Variants in CDCA7L observed in about 807,000 individuals in gnomAD.
CDCA7L encodes the protein cell division cycle-associated 7-like protein.
Under a neutral mutation model 57.4 loss-of-function variants are expected in CDCA7L, and 44 were observed. The observed-to-expected ratio is 0.77, with a 90% CI of 0.60 to 0.98. CDCA7L has a LOEUF of 0.98. Ranked by LOEUF, CDCA7L falls within the 50% of genes least tolerant of loss-of-function variation. The pLI, the probability that CDCA7L is intolerant of heterozygous loss-of-function variation, is 0.00. For synonymous variants in CDCA7L, 236 were observed against 202.8 expected (o/e 1.16, Z -1.39); for missense variants, 644 against 580.6 (o/e 1.11, Z -1.12).
In CDCA7L at chr7:21,915,656, A is replaced by C. The variant is rs868553337; in HGVS notation, c.165+1098T>G. Among the ~76,000 whole-genome samples, 55 of 110,374 alleles carry C rather than the reference A, an allele frequency of 5.0e-4. 2 individuals are homozygous for C. Among genetic ancestry groups the C allele is most frequent in the South Asian group, 1.9e-3 (6 of 3,102 alleles). The allele number at this position is 110,374 out of a possible 152,430, so 72.4% of individuals were successfully genotyped here. On this transcript the variant is annotated intron_variant, in intron 2 of 9. Coordinates refer to ENST00000406877, the MANE Select transcript of CDCA7L (RefSeq NM_018719.5). ...CTACTAAAAAAAAAAAAAAAAAAAAAAAACACACACACACACACAAATTAG... is the reference window on the plus strand; with the variant it reads ...CTACTAAAAAAAAAAAAAAAAAAAACAAACACACACACACACACAAATTAG...
intron 1 of CDCA7L, among the ~76,000 whole-genome samples, chr7:21,930,193 T>G (rs1785961788): frequency 6.6e-6 from 1 of 152,142 alleles, no homozygotes; most frequent in South Asian, 2.1e-4. Flanking sequence ...ACATTGAAAC[T>G]GAACAACCTG....
intron 6 of CDCA7L, among the ~76,000 whole-genome samples, chr7:21,906,031 G>A (rs1023903918): frequency 3.3e-5 from 5 of 152,190 alleles, no homozygotes; most frequent in African/African-American, 1.2e-4. Context: ...TTAAAGCAGG[G>A]TCCTAACAAA....
intron 2 of CDCA7L, among the ~76,000 whole-genome samples, chr7:21,912,959 G>A (rs1785377952): frequency 1.3e-5 from 2 of 152,076 alleles, no homozygotes; most frequent in African/African-American, 4.8e-5. Flanking sequence ...GGAGACCCAC[G>A]AGACCAGCCC....
intron 2 of CDCA7L, among the ~76,000 whole-genome samples, chr7:21,916,140 A>AAG: frequency 1.3e-5 from 2 of 152,326 alleles, no homozygotes; most frequent in East Asian, 3.9e-4. Context: ...TGGTCAAGGC[A>AAG]GAATGAGGAA....
At chr7:21,904,331 G>A in intron 7 of CDCA7L, 72 bp from the exon 8 acceptor site, 1 of 1,402,188 alleles carries the variant, frequency 7.1e-7, no homozygotes, top group South Asian at 1.5e-5. Context: ...ATGCCACCAT[G>A]TGCATTTCCA....
chr7:21,921,619 G>A (rs553056973), intron 1 of CDCA7L, among the ~76,000 whole-genome samples: 2 of 144,634 alleles, frequency 1.4e-5, no homozygotes, highest in South Asian at 2.2e-4. Context: ...CAAAGTTTGT[G>A]TTCCATTCTA....
chr7:21,945,642 A>T, intron 1 of CDCA7L, 139 bp downstream of exon 1: 1 of 1,047,910 alleles, frequency 9.5e-7, no homozygotes, highest in Non-Finnish European at 1.4e-6. Context: ...CCACTCCGGC[A>T]CTCAACCGGC....
chr7:21,911,916 T>A (rs1246261259), intron 2 of CDCA7L, among the ~76,000 whole-genome samples, 162 bp from the exon 3 acceptor site: 1 of 150,408 alleles, frequency 6.6e-6, no homozygotes, highest in Non-Finnish European at 1.5e-5. Context: ...ACTGTACACA[T>A]CAAAAACAGC....
intron 3 of CDCA7L, among the ~76,000 whole-genome samples, chr7:21,909,237 G>A (rs1785237907): frequency 6.6e-6 from 1 of 152,200 alleles, no homozygotes. Flanking sequence ...ATGGAAGGCA[G>A]TAACAGGGAT....
At chr7:21,912,981 G>C (rs1034852018) in intron 2 of CDCA7L, among the ~76,000 whole-genome samples, 9 of 151,748 alleles carry the variant, frequency 5.9e-5, no homozygotes, top group African/African-American at 2.2e-4. Flanking sequence ...CTGCAAGCCC[G>C]CCACACCTCA....
chr7:21,933,451 C>A (rs897986404), intron 1 of CDCA7L, among the ~76,000 whole-genome samples: 2 of 152,112 alleles, frequency 1.3e-5, no homozygotes, highest in Non-Finnish European at 2.9e-5. Context: ...ACATATACAC[C>A]ATGGAATACT....
At chr7:21,914,711 C>A (rs1785428927) in intron 2 of CDCA7L, among the ~76,000 whole-genome samples, 1 of 152,128 alleles carries the variant, frequency 6.6e-6, no homozygotes, top group Non-Finnish European at 1.5e-5. Flanking sequence ...TTGGTACTTC[C>A]CAGATGTGGG....
In CDCA7L at chr7:21,902,411, G is replaced by C. The variant is rs180898644; in HGVS notation, c.1335-59C>G. ...GTACAAATACACAAATGGCATTCTA[G>C]GCTTGAGAGATTCCACAATCATCTA... On this transcript the variant is annotated intron_variant, in intron 9 of 9. Coordinates refer to ENST00000406877, the MANE Select transcript of CDCA7L (RefSeq NM_018719.5). The C allele has an allele frequency of 4.7e-6, 7 of 1,496,962 alleles. No individual in the cohort carries two copies. In the African/African-American group the frequency reaches 6.9e-5, roughly 15 times the overall value. 92.7% of individuals were successfully genotyped at this position (1,496,962 alleles called of 1,614,324 possible).
chr7:21,927,193 C>G (rs1039201933), intron 1 of CDCA7L, among the ~76,000 whole-genome samples: 2 of 152,130 alleles, frequency 1.3e-5, no homozygotes, highest in Admixed American at 1.3e-4. Flanking sequence ...GAGGAAAACA[C>G]TGGACTTACT....
Position 21,902,261 on chromosome 7 carries a change from T to G in CDCA7L, c.*61A>C. On this transcript the variant is annotated 3_prime_UTR_variant, in exon 10 of 10. Transcript: ENST00000406877. Reference sequence around the variant, plus strand: ...TAAAAAAATCTTTCTTAGGCACCAATGGTATGCATGTCTTGTTGGAGTACT... The same window carrying G: ...TAAAAAAATCTTTCTTAGGCACCAAGGGTATGCATGTCTTGTTGGAGTACT... 3 of 1,457,084 alleles carry G rather than the reference T, an allele frequency of 2.1e-6. No individual in the cohort carries two copies. The highest frequency in any genetic ancestry group is 2.9e-6 in the Non-Finnish European group (3 of 1,038,230). 90.3% of individuals were successfully genotyped at this position (1,457,084 alleles called of 1,614,324 possible).
chr7:21,940,033 C>A (rs1786291992), intron 1 of CDCA7L, among the ~76,000 whole-genome samples: 1 of 151,194 alleles, frequency 6.6e-6, no homozygotes, highest in Non-Finnish European at 1.5e-5. Flanking sequence ...CAGCCCAAGG[C>A]TCTATTCCAC....
At chr7:21,904,330 T>G in intron 7 of CDCA7L, 71 bp from the exon 8 acceptor site, 8 of 1,410,860 alleles carry the variant, frequency 5.7e-6, no homozygotes, top group Non-Finnish European at 7.6e-6. Flanking sequence ...GATGCCACCA[T>G]GTGCATTTCC....
intron 1 of CDCA7L, among the ~76,000 whole-genome samples, chr7:21,937,793 C>T (rs1037090112): frequency 1.3e-5 from 2 of 152,090 alleles, no homozygotes; most frequent in Non-Finnish European, 2.9e-5. Context: ...CAGATACAAA[C>T]CCTTGCATAT....
chr7:21,942,095 C>T (rs1433546699), intron 1 of CDCA7L, among the ~76,000 whole-genome samples: 2 of 152,282 alleles, frequency 1.3e-5, no homozygotes, highest in South Asian at 2.1e-4. Context: ...AGCACATAAC[C>T]GGTGCTCAAC....
Sources: gnomAD v4.1 joint callset for allele counts (sites outside exome capture counted in the v4.1 genomes callset) on GRCh38, gnomAD v4.1.1 for gene constraint, MANE v1.5 for transcripts, NCBI Gene and HGNC (gene_info 2026-07-23, HGNC 2026-07-21) for gene names.